The following PKD1L1 variants were observed in gnomAD, a reference collection of about 807,000 sequenced individuals.
PKD1L1 encodes polycystin-1-like protein 1.
A neutral mutation model predicts 323.4 loss-of-function variants in PKD1L1; 236 were observed. The ratio of observed to expected loss-of-function variants is 0.73; its 90% confidence interval spans 0.66 to 0.81. The LOEUF is 0.81. Ranked by LOEUF, PKD1L1 falls within the 40% of genes least tolerant of loss-of-function variation. The probability of loss-of-function intolerance (pLI) is 0.00; values close to 1 mark genes in which losing one functional copy is unlikely to be tolerated. For missense variants in PKD1L1, 3,320 were observed against 3,508.0 expected (o/e 0.95, Z 1.35); for synonymous variants, 1,344 against 1,335.0 (o/e 1.01, Z -0.15).
chr7:47,923,312 AC>A (rs1787593177), intron 7 of PKD1L1, among the ~76,000 whole-genome samples: 1 of 142,884 alleles, frequency 7.0e-6, no homozygotes. Context: ...TCCGAGAAAC[AC>A]CCAAGAATGA....
chr7:47,901,774 A>G (rs1787095065), intron 13 of PKD1L1, among the ~76,000 whole-genome samples: 2 of 152,232 alleles, frequency 1.3e-5, no homozygotes, highest in Non-Finnish European at 2.9e-5. Flanking sequence ...GCAGTTTAGC[A>G]AATGCAGCTT....
At chr7:47,851,295 T>C (rs1465173018) in intron 31 of PKD1L1, among the ~76,000 whole-genome samples, 2 of 152,158 alleles carry the variant, frequency 1.3e-5, no homozygotes, top group Non-Finnish European at 2.9e-5. Context: ...CACTTGAGGA[T>C]TGTGATGTCA....
the PKD1L1 span, among the ~76,000 whole-genome samples, chr7:47,960,376 T>TG: frequency 7.8e-3 from 164 of 21,158 alleles, no homozygotes; most frequent in African/African-American, 0.038. Context: ...TAAAAAAAAA[T>TG]TAAAAAAAAA....
intron 2 of PKD1L1, among the ~76,000 whole-genome samples, 200 bp downstream of exon 2, chr7:47,943,196 A>ATATATATG (rs1309093632): frequency 7.4e-6 from 1 of 134,984 alleles, no homozygotes; most frequent in Non-Finnish European, 1.6e-5. Flanking sequence ...ATATATATAT[A>ATATATATG]TGTGTGTGTA....
chr7:47,789,011 A>AT (rs1786878917), intron 56 of PKD1L1, among the ~76,000 whole-genome samples: 1 of 152,148 alleles, frequency 6.6e-6, no homozygotes, highest in Non-Finnish European at 1.5e-5. Flanking sequence ...TTTTATTTAG[A>AT]TTTTTGGTAT....
At chr7:47,900,332 A>G (rs1427450970) in intron 13 of PKD1L1, among the ~76,000 whole-genome samples, 1 of 152,236 alleles carries the variant, frequency 6.6e-6, no homozygotes, top group East Asian at 1.9e-4. Flanking sequence ...GATTCTGGGA[A>G]AGGCATTGTG....
chr7:47,922,173 C>T (rs1228479125), intron 7 of PKD1L1, among the ~76,000 whole-genome samples: 6 of 152,236 alleles, frequency 3.9e-5, no homozygotes, highest in Admixed American at 6.5e-5. Context: ...CTCGGCCTCC[C>T]GAGGTGCCGG....
chr7:47,858,563 A>G (rs1028567801), intron 27 of PKD1L1, 110 bp downstream of exon 27: 2 of 979,944 alleles, frequency 2.0e-6, no homozygotes, highest in Non-Finnish European at 3.1e-6. Flanking sequence ...TGAACACAGT[A>G]CTTCAGAAAC....
intron 24 of PKD1L1, among the ~76,000 whole-genome samples, chr7:47,869,532 A>G (rs1384937341): frequency 6.6e-6 from 1 of 152,222 alleles, no homozygotes; most frequent in Non-Finnish European, 1.5e-5. Context: ...TTTCCTAATG[A>G]TAATGTAGGT....
In PKD1L1 at chr7:47,866,410, G is replaced by A. The variant is rs1583632071; in HGVS notation, c.4092+9C>T. 1.2e-6 allele frequency: 2 copies of A among 1,611,978 alleles called. No homozygotes were observed. The highest frequency in any genetic ancestry group is 1.7e-6 in the Non-Finnish European group (2 of 1,179,168). On this transcript the variant is annotated intron_variant, in intron 25 of 56. Coordinates refer to ENST00000289672, the MANE Select transcript of PKD1L1 (RefSeq NM_138295.5). ...ACAGACACTAAACTCACCCTCCTCT[G>A]AGCCATACCTGATCTACAAAAGCCA... is the stretch of plus-strand genomic sequence containing the variant.
In PKD1L1 at chr7:47,931,941, G is replaced by C; in HGVS notation, c.514C>G (p.Leu172Val). The change falls in exon 5 of 57, where the codon CTC becomes GTC. Residue 172 changes from leucine (L) to valine (V), a missense_variant. By Grantham distance (32) the Leu-to-Val change is conservative (BLOSUM62 1). Transcript: ENST00000289672. ...GTADSTFSAL[L>V]QLQGTTSAAA... is the part of the protein sequence containing the mutation. Reference sequence around the variant, plus strand: ...TGCAGGGGTTAGATACCAACCTGGAGAAGAGCAGAGAATGTGCTGTCTGCG... The same window carrying C: ...TGCAGGGGTTAGATACCAACCTGGACAAGAGCAGAGAATGTGCTGTCTGCG... 1 of 1,611,180 alleles carries C rather than the reference G, an allele frequency of 6.2e-7. No individual in the cohort carries two copies. Among genetic ancestry groups the C allele is most frequent in the Non-Finnish European group, 8.5e-7 (1 of 1,178,600 alleles).
rs1784958780 is a variant in PKD1L1, at chr7:47,813,924, A to G, written c.7173+7T>C. 5 of 1,611,214 alleles carry G rather than the reference A, an allele frequency of 3.1e-6. No homozygotes were observed. The highest frequency in any genetic ancestry group is 4.2e-6 in the Non-Finnish European group (5 of 1,177,334). The stretch of plus-strand genomic sequence containing the variant: ...TCTTGGAAGCAAAAGGAAAAGGAAC[A>G]TCTTACCTTGCATAAATGCCTAGGA... On this transcript the variant is annotated splice_region_variant and intron_variant, in intron 48 of 56. Transcript: ENST00000289672.
At chr7:47,955,075 A>G in the PKD1L1 span, among the ~76,000 whole-genome samples, 5 of 152,258 alleles carry the variant, frequency 3.3e-5, no homozygotes, top group African/African-American at 1.2e-4. Flanking sequence ...CTACAACTTA[A>G]TAACTGGTCA....
At chr7:47,833,498 ACAGT>A (rs1323398897) in intron 40 of PKD1L1, among the ~76,000 whole-genome samples, 1 of 152,132 alleles carries the variant, frequency 6.6e-6, no homozygotes, top group Non-Finnish European at 1.5e-5. Flanking sequence ...GCAGCTCCAC[ACAGT>A]CAGGGTGATT....
At chr7:47,880,587 T>C (rs1206024858) in intron 21 of PKD1L1, 141 bp downstream of exon 21, 2 of 379,408 alleles carry the variant, frequency 5.3e-6, no homozygotes, top group Non-Finnish European at 9.4e-6. Context: ...CAGCCCTATA[T>C]ATATGTAATT....
chr7:47,937,058 C>G, intron 3 of PKD1L1, 100 bp from the exon 4 acceptor site: 1 of 886,416 alleles, frequency 1.1e-6, no homozygotes, highest in Non-Finnish European at 1.8e-6. Flanking sequence ...AGCAGTGGAC[C>G]CCTGCTGTGC....
intron 50 of PKD1L1, among the ~76,000 whole-genome samples, chr7:47,810,104 C>T (rs1335241981): frequency 1.3e-5 from 2 of 152,152 alleles, no homozygotes; most frequent in Admixed American, 1.3e-4. Context: ...ATCACTAACC[C>T]AAACTCAAAT....
intron 2 of PKD1L1, among the ~76,000 whole-genome samples, chr7:47,943,145 C>CAA (rs142019299): frequency 0.013 from 1,134 of 88,798 alleles, 13 homozygotes; most frequent in Non-Finnish European, 0.018. Flanking sequence ...GACTCCGTCT[C>CAA]AAAAAAAAAA....
chr7:47,825,476 A>G (rs1192830650), intron 45 of PKD1L1, among the ~76,000 whole-genome samples: 1 of 151,330 alleles, frequency 6.6e-6, no homozygotes, highest in Non-Finnish European at 1.5e-5. Context: ...GGTTGCAGTG[A>G]GTTGAGATTG....
Sources: allele counts gnomAD v4.1 joint callset (sites outside exome capture counted in the v4.1 genomes callset), GRCh38; gene constraint gnomAD v4.1.1; transcripts MANE v1.5; gene names NCBI Gene and HGNC (gene_info 2026-07-23, HGNC 2026-07-21).